Variants in NCK2 observed in about 807,000 individuals in gnomAD.
The protein encoded by NCK2 is NCK adaptor protein 2.
NCK2 carries 16 observed loss-of-function variants against 33.9 expected under a neutral mutation model. That is an observed-to-expected ratio of 0.47 (90% confidence interval 0.32 to 0.72). The LOEUF is 0.72. Among genes scored for constraint, NCK2 ranks in the 30% least tolerant of loss-of-function variants. NCK2 has a pLI of 0.03. For synonymous variants in NCK2, 273 were observed against 239.9 expected (o/e 1.14, Z -1.27); for missense variants, 418 against 537.3 (o/e 0.78, Z 2.19).
chr2:105,876,486 C>CAA (rs776954305), intron 3 of NCK2, among the ~76,000 whole-genome samples: 10 of 152,158 alleles, frequency 6.6e-5, no homozygotes, highest in Non-Finnish European at 1.5e-4. Context: ...TGTGCTCTTC[C>CAA]AAAATGCAAC....
At chr2:105,805,692 C>A (rs1270467334) in intron 1 of NCK2, among the ~76,000 whole-genome samples, 4 of 152,102 alleles carry the variant, frequency 2.6e-5, no homozygotes, top group Non-Finnish European at 5.9e-5. Context: ...TGAGATCATT[C>A]AGTATATGTC....
chr2:105,779,623 T>A (rs1690421847), intron 1 of NCK2, among the ~76,000 whole-genome samples: 1 of 152,006 alleles, frequency 6.6e-6, no homozygotes, highest in Admixed American at 6.6e-5. Flanking sequence ...TGTGGGCAGA[T>A]GGAAAGGAGA....
intron 1 of NCK2, among the ~76,000 whole-genome samples, chr2:105,807,618 G>T (rs1675098555): frequency 2.6e-5 from 4 of 152,026 alleles, no homozygotes; most frequent in Admixed American, 2.0e-4. Context: ...GTCACGCTGG[G>T]CAGCCCTTGA....
chr2:105,785,371 A>C (rs1690641175), intron 1 of NCK2, among the ~76,000 whole-genome samples: 1 of 152,198 alleles, frequency 6.6e-6, no homozygotes, highest in Admixed American at 6.5e-5. Flanking sequence ...CAAGGAGGCT[A>C]GTGGGAAGCT....
At chr2:105,757,601 G>A (rs1391336059) in intron 1 of NCK2, among the ~76,000 whole-genome samples, 1 of 152,190 alleles carries the variant, frequency 6.6e-6, no homozygotes, top group Non-Finnish European at 1.5e-5. Flanking sequence ...ACTGTGCTGG[G>A]TGCCGTGGGA....
chr2:105,758,431 G>C (rs1363942713), intron 1 of NCK2, among the ~76,000 whole-genome samples: 1 of 120,444 alleles, frequency 8.3e-6, no homozygotes, highest in African/African-American at 3.0e-5. Context: ...TTTTTTTTGA[G>C]ACAGAGTCTC....
At chr2:105,793,569 T>C (rs963978617) in intron 1 of NCK2, among the ~76,000 whole-genome samples, 1 of 152,270 alleles carries the variant, frequency 6.6e-6, no homozygotes, top group African/African-American at 2.4e-5. Context: ...TAAATAGTTC[T>C]GGTTCCCCAG....
intron 2 of NCK2, among the ~76,000 whole-genome samples, chr2:105,852,560 C>T (rs1229851288): frequency 1.3e-5 from 2 of 152,144 alleles, no homozygotes; most frequent in Non-Finnish European, 2.9e-5. Context: ...TACTTAACTA[C>T]CCTTCATGCA....
At chr2:105,865,578 A>G (rs1404448968) in intron 3 of NCK2, among the ~76,000 whole-genome samples, 2 of 152,180 alleles carry the variant, frequency 1.3e-5, no homozygotes, top group African/African-American at 2.4e-5. Context: ...ACAGTTCCCC[A>G]GTTCTGCCTG....
intron 3 of NCK2, among the ~76,000 whole-genome samples, chr2:105,877,240 C>T (rs1256747598): frequency 2.0e-5 from 3 of 152,282 alleles, no homozygotes; most frequent in Non-Finnish European, 4.4e-5. Context: ...CCTCCCTCCC[C>T]CTGGCCACAG....
intron 4 of NCK2, among the ~76,000 whole-genome samples, chr2:105,888,455 A>G (rs1438595062): frequency 6.6e-6 from 1 of 152,226 alleles, no homozygotes; most frequent in Non-Finnish European, 1.5e-5. Flanking sequence ...CAAAGGTGGC[A>G]ATTAAAGAGG....
intron 2 of NCK2, among the ~76,000 whole-genome samples, chr2:105,827,635 G>A (rs1676003845): frequency 6.6e-6 from 1 of 152,208 alleles, no homozygotes; most frequent in Non-Finnish European, 1.5e-5. Flanking sequence ...AAATTTCAAA[G>A]CATTGAAATC....
At position 105,881,536 on chromosome 2, in the gene NCK2, CGACGGTT is replaced by C; in HGVS notation, c.437_443del (p.Asp146GlyfsTer33). On this transcript the variant is annotated frameshift_variant, in exon 4 of 5. Coordinates refer to ENST00000233154, the MANE Select transcript of NCK2 (RefSeq NM_003581.5). LOFTEE classifies it high-confidence loss of function. ...GCGTCACCGTCATGGAGAAGTGCAG[CGACGGTT>C]GGTGGCGGGGCAGCTACAACGGGCA... is the stretch of plus-strand genomic sequence containing the variant. The C allele has an allele frequency of 6.2e-7, 1 of 1,614,042 alleles. No homozygotes were observed. The highest frequency in any genetic ancestry group is 8.5e-7 in the Non-Finnish European group (1 of 1,180,030).
At chr2:105,831,298 C>A (rs947960406) in intron 2 of NCK2, among the ~76,000 whole-genome samples, 12 of 152,000 alleles carry the variant, frequency 7.9e-5, no homozygotes, top group Admixed American at 2.6e-4. Flanking sequence ...TTGTAGGAAA[C>A]CGCAAAAGAA....
chr2:105,812,545 A>G (rs1076069), intron 1 of NCK2, among the ~76,000 whole-genome samples: 128,046 of 152,266 alleles, frequency 0.84, 53,924 homozygotes, highest in Middle Eastern at 0.88. Context: ...CGGGAGATCC[A>G]CTTGCAGGCC....
intron 1 of NCK2, among the ~76,000 whole-genome samples, chr2:105,771,018 G>T (rs763103561): frequency 1.3e-5 from 2 of 152,056 alleles, no homozygotes; most frequent in Non-Finnish European, 2.9e-5. Flanking sequence ...TGCCTCCCGG[G>T]TTCACGCCAT....
At chr2:105,818,635 G>A (rs1297704968) in intron 2 of NCK2, among the ~76,000 whole-genome samples, 1 of 152,120 alleles carries the variant, frequency 6.6e-6, no homozygotes, top group Non-Finnish European at 1.5e-5. Flanking sequence ...ACTTTTAGGT[G>A]ATATGTCTTC....
chr2:105,783,228 A>T (rs1489143010), intron 1 of NCK2, among the ~76,000 whole-genome samples: 1 of 152,190 alleles, frequency 6.6e-6, no homozygotes, highest in Non-Finnish European at 1.5e-5. Context: ...TCTTTTGAAG[A>T]TGGAAAGTAA....
chr2:105,829,909 C>T (rs1218306878), intron 2 of NCK2, among the ~76,000 whole-genome samples: 1 of 143,462 alleles, frequency 7.0e-6, no homozygotes, highest in African/African-American at 2.9e-5. Context: ...ATTTACTAGT[C>T]ATTCATTCTC....
Sources: gnomAD v4.1 joint callset for allele counts (sites outside exome capture counted in the v4.1 genomes callset) on GRCh38, gnomAD v4.1.1 for gene constraint, MANE v1.5 for transcripts, NCBI Gene and HGNC (gene_info 2026-07-23, HGNC 2026-07-21) for gene names.